Variants in ZNF568 observed in about 807,000 individuals in gnomAD.
ZNF568 encodes zinc finger protein 568, also known as p53 inhibitor of SCO2 activation.
A neutral mutation model predicts 18.1 loss-of-function variants in ZNF568; 11 were observed. The observed-to-expected ratio is 0.61, with a 90% CI of 0.38 to 1.00. ZNF568 has a LOEUF of 1.00. ZNF568 is among the 50% of genes least tolerant of loss of function. ZNF568 has a pLI of 0.01. For synonymous variants in ZNF568, 213 were observed against 246.6 expected (o/e 0.86, Z 1.28); for missense variants, 639 against 768.2 (o/e 0.83, Z 1.99).
chr19:36,955,794 T>C (rs2074103261), downstream of ZNF568, among the ~76,000 whole-genome samples: 2 of 152,308 alleles, frequency 1.3e-5, no homozygotes. Flanking sequence ...TTGGAGGTGA[T>C]TCAACATAAT....
chr19:36,988,408 G>T (rs1480427036), intron 2 of ZNF568, among the ~76,000 whole-genome samples: 1 of 152,204 alleles, frequency 6.6e-6, no homozygotes, highest in Non-Finnish European at 1.5e-5. Flanking sequence ...GAAGCATGAT[G>T]CTGGCATCTG....
intron 2 of ZNF568, among the ~76,000 whole-genome samples, chr19:36,920,246 GGATATAAA>G (rs1380113505): frequency 2.0e-5 from 3 of 152,008 alleles, no homozygotes; most frequent in African/African-American, 7.3e-5. Flanking sequence ...TATAGAATAA[GGATATAAA>G]GAAAAAATAT....
At chr19:36,960,139 G>T (rs2146322014) in intron 6 of ZNF568, among the ~76,000 whole-genome samples, 1 of 109,352 alleles carries the variant, frequency 9.1e-6, no homozygotes, top group South Asian at 3.2e-4. Context: ...TTTTGAGACA[G>T]AGTCTCCTCG....
At chr19:36,974,347 A>T in intron 6 of ZNF568, 1 of 1,329,094 alleles carries the variant, frequency 7.5e-7, no homozygotes, top group Non-Finnish European at 1.0e-6. Flanking sequence ...GTGGGGCAGG[A>T]GTTTGGCCTC....
rs148001531 is a variant in ZNF568 at position 36,920,869 on chromosome 19, T to C, written c.-185-1717T>C. On this transcript the variant is annotated intron_variant, in intron 2 of 6. Transcript: ENST00000333987. ...CTTTACCAGTGTACCATTTTTTATC[T>C]TTTATATTATATTTTTACCATTTCT... Among the ~76,000 whole-genome samples, 317 of 152,264 alleles carry C rather than the reference T, an allele frequency of 2.1e-3. 1 individual carries two copies. Among genetic ancestry groups the C allele is most frequent in the Non-Finnish European group, 2.9e-3 (194 of 68,028 alleles).
intron 6 of ZNF568, among the ~76,000 whole-genome samples, chr19:36,940,387 A>C (rs2073860620): frequency 6.6e-6 from 1 of 152,128 alleles, no homozygotes; most frequent in Non-Finnish European, 1.5e-5. Flanking sequence ...ATTCTATTAC[A>C]CGTCTACCAG....
intron 6 of ZNF568, among the ~76,000 whole-genome samples, chr19:36,962,413 T>A (rs2074162001): frequency 6.7e-6 from 1 of 149,480 alleles, no homozygotes; most frequent in Non-Finnish European, 1.5e-5. Context: ...TAATCTTGGA[T>A]CACTGCAACC....
chr19:36,986,262 C>G (rs2074375788), intron 2 of ZNF568, among the ~76,000 whole-genome samples: 1 of 152,086 alleles, frequency 6.6e-6, no homozygotes, highest in Non-Finnish European at 1.5e-5. Flanking sequence ...TTCCCTTACT[C>G]TAAGGGCGTG....
chr19:36,927,101 A>C (rs2073568934), intron 4 of ZNF568, among the ~76,000 whole-genome samples: 1 of 152,206 alleles, frequency 6.6e-6, no homozygotes, highest in Non-Finnish European at 1.5e-5. Context: ...ACCTTCTCCC[A>C]ATCTGTCATT....
At chr19:36,995,677 T>C (rs1002780645) in intron 4 of ZNF568, among the ~76,000 whole-genome samples, 4 of 152,230 alleles carry the variant, frequency 2.6e-5, no homozygotes, top group Non-Finnish European at 5.9e-5. Flanking sequence ...TTTTTGTTCC[T>C]ATATTGTTTC....
chr19:36,952,006 A>T lies in ZNF568; in HGVS notation c.*918A>T. ...CTGTGAAACCATTGGGAGAAAATAG[A>T]TGATATTGTCTATGACGTTGAGGCC... is the stretch of plus-strand genomic sequence containing the variant. On this transcript the variant is annotated 3_prime_UTR_variant, in exon 7 of 7. Coordinates refer to ENST00000333987, the MANE Select transcript of ZNF568 (RefSeq NM_198539.4). 1 of 903,764 alleles carries T rather than the reference A, an allele frequency of 1.1e-6. No homozygotes were observed. Among genetic ancestry groups the T allele is most frequent in the Non-Finnish European group, 1.3e-6 (1 of 762,856 alleles). The allele number at this position is 903,764 out of a possible 1,614,324, so 56.0% of individuals were successfully genotyped here. A position where few individuals can be genotyped will look rare whatever the true frequency, so the allele number is the denominator to read the frequency against.
chr19:36,991,423 T>C (rs555599206), intron 3 of ZNF568: 3 of 1,265,652 alleles, frequency 2.4e-6, no homozygotes, highest in African/African-American at 3.0e-5. Flanking sequence ...GATGAGTTAA[T>C]GTTTCTTGCT....
Position 36,939,532 on chromosome 19 carries a change from C to CTTTTTT in ZNF568, c.358+2310_358+2315dup, listed in dbSNP as rs386388962. Reference sequence around the variant, plus strand: ...GGTTCATTGAAGATGTATTTTCTTTCTTTTTTTTTTTTTTTTTTTTTTTTT... The same window carrying CTTTTTT: ...GGTTCATTGAAGATGTATTTTCTTTCTTTTTTTTTTTTTTTTTTTTTTTTTTTTTTT... On this transcript the variant is annotated intron_variant, in intron 6 of 6. Coordinates refer to ENST00000333987, the MANE Select transcript of ZNF568 (RefSeq NM_198539.4). Among the ~76,000 whole-genome samples, 349 of 93,054 alleles carry CTTTTTT rather than the reference C, an allele frequency of 3.8e-3. 18 individuals are homozygous for CTTTTTT. The highest frequency in any genetic ancestry group is 0.015 in the East Asian group (41 of 2,652). 61.0% of individuals were successfully genotyped at this position (93,054 alleles called of 152,430 possible). A position where few individuals can be genotyped will look rare whatever the true frequency, so the allele number is the denominator to read the frequency against.
intron 6 of ZNF568, among the ~76,000 whole-genome samples, chr19:36,939,599 G>C (rs1485419768): frequency 7.1e-6 from 1 of 141,192 alleles, no homozygotes; most frequent in African/African-American, 2.7e-5. Context: ...GAGTGCAGTG[G>C]TGCAGTCTCA....
chr19:36,927,339 C>A (rs1483493613), intron 4 of ZNF568, among the ~76,000 whole-genome samples: 1 of 151,984 alleles, frequency 6.6e-6, no homozygotes, highest in African/African-American at 2.4e-5. Context: ...CATATTTAGT[C>A]TTTAATCCAA....
chr19:36,988,114 A>T (rs910428956), intron 2 of ZNF568, among the ~76,000 whole-genome samples: 1 of 151,556 alleles, frequency 6.6e-6, no homozygotes, highest in Admixed American at 6.6e-5. Context: ...TTTCATTTTT[A>T]AATTTTTTAT....
At chr19:36,934,161 GAT>G (rs1568384753) in intron 4 of ZNF568, among the ~76,000 whole-genome samples, 2 of 151,226 alleles carry the variant, frequency 1.3e-5, no homozygotes, top group African/African-American at 4.8e-5. Flanking sequence ...TCTTGTCAGT[GAT>G]ATTTGTCCAT....
intron 2 of ZNF568, 47 bp from the exon 3 acceptor site, chr19:36,922,539 C>T: frequency 2.6e-6 from 1 of 381,712 alleles, no homozygotes; most frequent in Non-Finnish European, 4.7e-6. Context: ...TCACAGGGAG[C>T]CAGTGAGAAG....
At chr19:36,921,556 CTTA>C (rs1459456776) in intron 2 of ZNF568, among the ~76,000 whole-genome samples, 1 of 151,680 alleles carries the variant, frequency 6.6e-6, no homozygotes, top group Non-Finnish European at 1.5e-5. Flanking sequence ...CTTCTCAAAA[CTTA>C]TTATAACTGA....
Sources: allele counts gnomAD v4.1 joint callset (sites outside exome capture counted in the v4.1 genomes callset), GRCh38; gene constraint gnomAD v4.1.1; transcripts MANE v1.5; gene names NCBI Gene and HGNC (gene_info 2026-07-23, HGNC 2026-07-21).